PITPNM2: variants seen among roughly 807,000 people sequenced by gnomAD.
The protein encoded by PITPNM2 is membrane-associated phosphatidylinositol transfer protein 2.
A neutral mutation model predicts 132.2 loss-of-function variants in PITPNM2; 35 were observed. The observed-to-expected ratio is 0.26, with a 90% confidence interval of 0.20 to 0.35. The LOEUF is 0.35. Ranked by LOEUF, PITPNM2 falls within the 10% of genes least tolerant of loss-of-function variation. The probability of loss-of-function intolerance (pLI) is 1.00; values close to 1 mark genes in which losing one functional copy is unlikely to be tolerated. For synonymous variants in PITPNM2, 738 were observed against 799.2 expected (o/e 0.92, Z 1.29); for missense variants, 1,332 against 1,912.0 (o/e 0.70, Z 5.66).
chr12:123,075,810 A>T (rs2041767706), intron 2 of PITPNM2: 1 of 152,308 alleles, frequency 6.6e-6, no homozygotes, highest in African/African-American at 2.4e-5. Flanking sequence ...GATCTACCTC[A>T]GGCAAATGCA....
chr12:123,145,826 G>A (rs376762711), intron 1 of PITPNM2, among the ~76,000 whole-genome samples: 13 of 152,026 alleles, frequency 8.6e-5, no homozygotes, highest in Non-Finnish European at 1.9e-4. Flanking sequence ...TAAAAATATC[G>A]TTCTATCATA....
At chr12:123,035,743 C>T (rs2040247245) in intron 2 of PITPNM2, among the ~76,000 whole-genome samples, 2 of 152,026 alleles carry the variant, frequency 1.3e-5, no homozygotes, top group African/African-American at 4.8e-5. Context: ...CCCCTTAAAA[C>T]CCAAGCCCCA....
chr12:123,113,109 C>A (rs1171257293), intron 1 of PITPNM2, among the ~76,000 whole-genome samples: 2 of 152,210 alleles, frequency 1.3e-5, no homozygotes, highest in Non-Finnish European at 2.9e-5. Flanking sequence ...TGATGGGGTG[C>A]CAGCTACTAG....
At chr12:123,115,539 C>G (rs1727326) in intron 1 of PITPNM2, among the ~76,000 whole-genome samples, 136,198 of 152,008 alleles carry the variant, frequency 0.9, 61,352 homozygotes, top group East Asian at 1. Context: ...CAATACGCGC[C>G]CGCACACACA....
At chr12:123,063,355 G>T (rs1159960353) in intron 2 of PITPNM2, among the ~76,000 whole-genome samples, 1 of 152,372 alleles carries the variant, frequency 6.6e-6, no homozygotes, top group East Asian at 1.9e-4. Flanking sequence ...TGGCTGGGCT[G>T]CATTTCTTCA....
chr12:123,113,543 ATT>A (rs1419048634), intron 1 of PITPNM2, among the ~76,000 whole-genome samples: 1 of 152,118 alleles, frequency 6.6e-6, no homozygotes, highest in Non-Finnish European at 1.5e-5. Flanking sequence ...CTTTACAAAA[ATT>A]CATAAATTAG....
At chr12:123,134,570 C>G (rs1236639504) in intron 1 of PITPNM2, among the ~76,000 whole-genome samples, 1 of 152,132 alleles carries the variant, frequency 6.6e-6, no homozygotes, top group Non-Finnish European at 1.5e-5. Flanking sequence ...GGAGGCTCCT[C>G]TCAAGCCTTG....
At chr12:123,118,585 C>T (rs1326640317) in intron 1 of PITPNM2, among the ~76,000 whole-genome samples, 1 of 152,218 alleles carries the variant, frequency 6.6e-6, no homozygotes, top group African/African-American at 2.4e-5. Flanking sequence ...GAGAAACAGA[C>T]ATTGTGCTTG....
intron 3 of PITPNM2, among the ~76,000 whole-genome samples, chr12:123,024,970 A>G (rs574796171): frequency 6.6e-6 from 1 of 152,278 alleles, no homozygotes; most frequent in East Asian, 1.9e-4. Context: ...TACTAAGATC[A>G]AAAAAATCAA....
At chr12:122,988,512 C>T (rs541676802) in intron 19 of PITPNM2, among the ~76,000 whole-genome samples, 162 bp from the exon 20 acceptor site, 19 of 152,282 alleles carry the variant, frequency 1.2e-4, no homozygotes, top group African/African-American at 4.3e-4. Context: ...GACCCCTGTT[C>T]GTTCACCTGA....
At chr12:123,060,021 CA>C (rs2041178575) in intron 2 of PITPNM2, among the ~76,000 whole-genome samples, 1 of 152,192 alleles carries the variant, frequency 6.6e-6, no homozygotes, top group Non-Finnish European at 1.5e-5. Flanking sequence ...CTCCAAGTAT[CA>C]GTTTCCTTTT....
At chr12:123,133,529 GAAGA>G (rs1314916297) in intron 1 of PITPNM2, among the ~76,000 whole-genome samples, 1 of 152,196 alleles carries the variant, frequency 6.6e-6, no homozygotes, top group Non-Finnish European at 1.5e-5. Flanking sequence ...GATGCCAATG[GAAGA>G]GAGAGAATTT....
intron 1 of PITPNM2, among the ~76,000 whole-genome samples, chr12:123,126,085 G>T (rs2043135948): frequency 6.6e-6 from 1 of 151,690 alleles, no homozygotes; most frequent in Admixed American, 6.6e-5. Flanking sequence ...TAGCCAGGAT[G>T]GTCTCAATCT....
chr12:123,103,180 T>A (rs2137251600), intron 2 of PITPNM2, among the ~76,000 whole-genome samples: 1 of 152,292 alleles, frequency 6.6e-6, no homozygotes, highest in East Asian at 1.9e-4. Flanking sequence ...AGAAGTTGTT[T>A]TAGTGACTGT....
intron 11 of PITPNM2, 117 bp from the exon 12 acceptor site, chr12:122,997,027 C>T (rs2038459285): frequency 5.4e-6 from 6 of 1,111,896 alleles, no homozygotes; most frequent in Admixed American, 2.9e-5. Context: ...GGACCCTTCC[C>T]GGCCAGGGCC....
chr12:122,992,513 C>A lies in PITPNM2; in HGVS notation c.2390G>T (p.Cys797Phe). Residue 797 changes from cysteine (C) to phenylalanine (F), a missense_variant, in exon 16 of 26, where the codon TGC (cysteine) becomes TTC (phenylalanine). Physicochemically the swap from Cys to Phe is radical, Grantham distance 205. This residue lies in a region of PITPNM2 where 710 missense variants were observed against 911.5 expected (regional missense o/e 0.78). Coordinates refer to ENST00000320201, the MANE Select transcript of PITPNM2 (RefSeq NM_020845.3). This position sits in a 1 kb window ranked among gnomAD's most constrained non-coding sequence, Gnocchi z 6.5. ...GTGCCTCTCACCCAGCAGCGTGGAG[C>A]AGCCATCCCCCAGCGGGTAGCGTTG... Reference protein sequence around the residue: ...RYQRYPLGDGCSTLLADVLQT... With the variant: ...RYQRYPLGDGFSTLLADVLQT... The A allele has an allele frequency of 6.2e-7, 1 of 1,610,690 alleles. No homozygotes were observed. The highest frequency in any genetic ancestry group is 8.5e-7 in the Non-Finnish European group (1 of 1,179,358).
rs1475195629 is a variant in PITPNM2 at position 123,004,097 on chromosome 12, T to C, written c.1048+297A>G. ...CATACGGAATAAAGCCCTAGTCTGA[T>C]GGTGTATCCTTATTTGGGGTTTCAA... On this transcript the variant is annotated intron_variant, in intron 8 of 25. Coordinates refer to ENST00000320201, the MANE Select transcript of PITPNM2 (RefSeq NM_020845.3). This position sits in a 1 kb window ranked among gnomAD's most constrained non-coding sequence, Gnocchi z 4.9. Among the ~76,000 whole-genome samples, 1 of 152,242 alleles carries C rather than the reference T, an allele frequency of 6.6e-6. No homozygotes were observed. The highest frequency in any genetic ancestry group is 2.1e-4 in the South Asian group (1 of 4,830).
intron 2 of PITPNM2, among the ~76,000 whole-genome samples, chr12:123,101,116 T>C (rs758356070): frequency 3.9e-5 from 6 of 152,268 alleles, no homozygotes; most frequent in Non-Finnish European, 7.3e-5. Flanking sequence ...CCTGACACAG[T>C]GCACAGGCAC....
intron 10 of PITPNM2, among the ~76,000 whole-genome samples, chr12:122,998,272 G>T (rs1056561235): frequency 8.5e-5 from 13 of 152,200 alleles, no homozygotes; most frequent in African/African-American, 3.1e-4. Context: ...AGAGGAGGTC[G>T]ATCAGATTTC....
Sources: gnomAD v4.1 joint callset for allele counts (sites outside exome capture counted in the v4.1 genomes callset) on GRCh38, gnomAD v4.1.1 for gene constraint, gnomAD v4.1.1 regional missense constraint, Gnocchi (gnomAD v3.1) non-coding constraint, MANE v1.5 for transcripts, NCBI Gene and HGNC (gene_info 2026-07-23, HGNC 2026-07-21) for gene names.